GFRA1: variants seen among roughly 807,000 people sequenced by gnomAD.
GFRA1 encodes the protein GDNF family receptor alpha 1, also known as GDNF family receptor alpha-1.
GFRA1 carries 16 observed loss-of-function variants against 51.6 expected under a neutral mutation model. The ratio of observed to expected loss-of-function variants is 0.31; its 90% CI spans 0.21 to 0.47. GFRA1 has a LOEUF of 0.47. Among genes scored for constraint, GFRA1 ranks in the 20% least tolerant of loss-of-function variants. GFRA1 has a pLI of 1.00. For synonymous variants in GFRA1, 270 were observed against 241.3 expected (o/e 1.12, Z -1.10); for missense variants, 530 against 594.3 (o/e 0.89, Z 1.13).
intron 5 of GFRA1, among the ~76,000 whole-genome samples, chr10:116,197,108 G>T (rs1468866140): frequency 2.0e-5 from 3 of 151,946 alleles, no homozygotes; most frequent in Admixed American, 1.3e-4. Flanking sequence ...ATCCTTCATT[G>T]CTAGGGTCTG....
At chr10:116,224,329 A>G (rs1966129803) in intron 4 of GFRA1, among the ~76,000 whole-genome samples, 1 of 152,190 alleles carries the variant, frequency 6.6e-6, no homozygotes, top group Non-Finnish European at 1.5e-5. Context: ...TGATCCAGCA[A>G]TTCCACTCCT....
intron 4 of GFRA1, among the ~76,000 whole-genome samples, chr10:116,253,614 G>T (rs936413030): frequency 6.7e-6 from 1 of 148,912 alleles, no homozygotes; most frequent in South Asian, 2.1e-4. Flanking sequence ...TCTCACAAGA[G>T]AAAAAAAAAA....
intron 9 of GFRA1, 46 bp downstream of exon 9, chr10:116,089,695 C>T (rs8192667): frequency 2.0e-6 from 3 of 1,525,770 alleles, no homozygotes; most frequent in African/African-American, 1.4e-5. Flanking sequence ...TTTCACCCCC[C>T]CACCAGGAAG....
At chr10:116,239,132 T>C (rs1006549982) in intron 4 of GFRA1, among the ~76,000 whole-genome samples, 2 of 152,238 alleles carry the variant, frequency 1.3e-5, no homozygotes, top group African/African-American at 4.8e-5. Flanking sequence ...ATTTGTGAGT[T>C]TTCATTTAAA....
intron 5 of GFRA1, among the ~76,000 whole-genome samples, chr10:116,176,713 C>G: frequency 8.5e-6 from 1 of 117,552 alleles, no homozygotes; most frequent in East Asian, 3.0e-4. Flanking sequence ...TTTCTCCCTC[C>G]CTCCCTCCCT....
chr10:116,060,110 A>G lies in GFRA1; in HGVS notation c.*4288T>C, dbSNP rs1954733581. ...GGACGGAGGGAGTGGAAAAAAACACAGATTTAAAGCCTCTGCAGTGAGAAT... is the reference window on the plus strand; with the variant it reads ...GGACGGAGGGAGTGGAAAAAAACACGGATTTAAAGCCTCTGCAGTGAGAAT... On this transcript the variant is annotated 3_prime_UTR_variant, in exon 11 of 11. Coordinates refer to ENST00000355422, the MANE Select transcript of GFRA1 (RefSeq NM_005264.8). The G allele has an allele frequency of 6.6e-6, 1 of 152,174 alleles. No individual in the cohort carries two copies. Among genetic ancestry groups the G allele is most frequent in the South Asian group, 2.1e-4 (1 of 4,824 alleles). 9.4% of individuals were successfully genotyped at this position (152,174 alleles called of 1,614,324 possible).
At chr10:116,203,928 T>G (rs1964533672) in intron 5 of GFRA1, among the ~76,000 whole-genome samples, 1 of 152,258 alleles carries the variant, frequency 6.6e-6, no homozygotes, top group Non-Finnish European at 1.5e-5. Flanking sequence ...GCCTCTGCTC[T>G]AGATAAGGCA....
chr10:116,118,635 G>A (rs1427353405), intron 6 of GFRA1, among the ~76,000 whole-genome samples: 1 of 152,108 alleles, frequency 6.6e-6, no homozygotes, highest in East Asian at 1.9e-4. Flanking sequence ...GGCCTCCTAG[G>A]TGGATTCCAT....
chr10:116,176,357 A>T (rs1961596553), intron 5 of GFRA1, among the ~76,000 whole-genome samples: 1 of 152,064 alleles, frequency 6.6e-6, no homozygotes, highest in Admixed American at 6.6e-5. Flanking sequence ...CCATTTTGAG[A>T]TGTAAACCCC....
At chr10:116,128,125 A>G (rs75043606) in intron 5 of GFRA1, among the ~76,000 whole-genome samples, 1 of 152,206 alleles carries the variant, frequency 6.6e-6, no homozygotes, top group Non-Finnish European at 1.5e-5. Context: ...CAAACTCAAA[A>G]GGACCCATGG....
chr10:116,266,788 A>C (rs1157278489), intron 4 of GFRA1, among the ~76,000 whole-genome samples: 4 of 152,250 alleles, frequency 2.6e-5, no homozygotes, highest in Non-Finnish European at 5.9e-5. Context: ...GTGGTATCTG[A>C]GAATGACCAT....
intron 5 of GFRA1, among the ~76,000 whole-genome samples, chr10:116,208,790 G>T (rs1257848557): frequency 6.6e-6 from 1 of 152,226 alleles, no homozygotes; most frequent in African/African-American, 2.4e-5. Context: ...AATGAGGCGT[G>T]CATGTGTGTT....
At chr10:116,139,397 T>G (rs1433401387) in intron 5 of GFRA1, among the ~76,000 whole-genome samples, 1 of 152,240 alleles carries the variant, frequency 6.6e-6, no homozygotes, top group African/African-American at 2.4e-5. Context: ...AAAGTAGGTT[T>G]AGGTAAAATG....
intron 4 of GFRA1, among the ~76,000 whole-genome samples, chr10:116,216,508 A>AC (rs999039592): frequency 3.3e-5 from 5 of 152,152 alleles, no homozygotes; most frequent in Non-Finnish European, 7.3e-5. Context: ...CTTAGCCCAC[A>AC]CCCCACAGTA....
rs1965782877 is a variant in GFRA1 at position 116,219,530 on chromosome 10, G to A, written c.419-7885C>T. Among the ~76,000 whole-genome samples the A allele has an allele frequency of 2.0e-5, 3 of 152,110 alleles. No individual in the cohort carries two copies. The South Asian group carries it at 6.2e-4, about 32-fold the overall frequency. On this transcript the variant is annotated intron_variant, in intron 4 of 10. Coordinates refer to ENST00000355422, the MANE Select transcript of GFRA1 (RefSeq NM_005264.8). ...AAAATCGATCCCTCTAGCAACCAGT[G>A]TTTTCCTTTGAAAAGAGCCGCATAC...
intron 5 of GFRA1, among the ~76,000 whole-genome samples, chr10:116,135,662 T>G (rs887880339): frequency 4.6e-5 from 7 of 152,242 alleles, no homozygotes; most frequent in Non-Finnish European, 8.8e-5. Context: ...ATATATTTTA[T>G]CTAATGTAAG....
At chr10:116,131,910 A>G (rs1441566981) in intron 5 of GFRA1, among the ~76,000 whole-genome samples, 1 of 117,010 alleles carries the variant, frequency 8.5e-6, no homozygotes. Context: ...AAAGGAAAAA[A>G]AAAAAAAAAA....
chr10:116,252,174 G>A (rs181529928), intron 4 of GFRA1, among the ~76,000 whole-genome samples: 202 of 151,830 alleles, frequency 1.3e-3, no homozygotes, highest in African/African-American at 4.5e-3. Context: ...TACATTCAAC[G>A]CAGGGTACTC....
chr10:116,255,509 A>AC, intron 4 of GFRA1: 1 of 994,642 alleles, frequency 1.0e-6, no homozygotes, highest in African/African-American at 1.7e-5. Flanking sequence ...AAAAAAAACA[A>AC]AAAAAAAAAC....
Sources: allele counts gnomAD v4.1 joint callset (sites outside exome capture counted in the v4.1 genomes callset), GRCh38; gene constraint gnomAD v4.1.1; transcripts MANE v1.5; gene names NCBI Gene and HGNC (gene_info 2026-07-23, HGNC 2026-07-21).